Variants in CSMD1 observed in about 807,000 individuals in gnomAD.
The protein encoded by CSMD1 is CUB and sushi domain-containing protein 1.
CSMD1 carries 213 observed loss-of-function variants against 417.5 expected under a neutral mutation model. The observed-to-expected ratio is 0.51, with a 90% CI of 0.46 to 0.57. CSMD1 has a LOEUF of 0.57. CSMD1 is among the 20% of genes least tolerant of loss of function. The pLI, the probability that CSMD1 is intolerant of heterozygous loss-of-function variation, is 0.00. For synonymous variants in CSMD1, 2,862 were observed against 1,736.8 expected (o/e 1.65, Z -16.11); for missense variants, 6,923 against 4,529.7 (o/e 1.53, Z -15.17).
At chr8:4,315,092 G>A (rs749612388) in intron 3 of CSMD1, among the ~76,000 whole-genome samples, 8 of 152,084 alleles carry the variant, frequency 5.3e-5, no homozygotes, top group Non-Finnish European at 1.2e-4. Flanking sequence ...TCGAGGGAGG[G>A]AAGAGGACAG....
Position 3,418,262 on chromosome 8 carries a change from A to C in CSMD1, c.1562-8657T>G, listed in dbSNP as rs567957510. On this transcript the variant is annotated intron_variant, in intron 12 of 69. Transcript: ENST00000635120. The stretch of plus-strand genomic sequence containing the variant: ...GCTGGACTCTGGAAATTCGGGCTAT[A>C]AGTAACCACAGAAATGAACTGTCTC... Among the ~76,000 whole-genome samples the C allele has an allele frequency of 6.3e-4, 96 of 152,206 alleles. No homozygotes were observed. In the South Asian group the frequency reaches 0.02, roughly 31 times the overall value.
At chr8:4,416,330 A>T (rs1265695929) in intron 3 of CSMD1, among the ~76,000 whole-genome samples, 2 of 152,190 alleles carry the variant, frequency 1.3e-5, no homozygotes, top group Admixed American at 6.5e-5. Flanking sequence ...AATGAACTAA[A>T]AAGTCAACCT....
chr8:3,857,517 G>T (rs950838959), intron 5 of CSMD1, among the ~76,000 whole-genome samples: 1 of 152,180 alleles, frequency 6.6e-6, no homozygotes, highest in East Asian at 1.9e-4. Context: ...AATAGTAGAT[G>T]ATTTGCTTAA....
At chr8:4,572,995 G>C (rs1290932422) in intron 2 of CSMD1, among the ~76,000 whole-genome samples, 2 of 152,122 alleles carry the variant, frequency 1.3e-5, no homozygotes, top group African/African-American at 2.4e-5. Context: ...CTCTAAACTA[G>C]TTATTCAAGT....
At chr8:3,946,340 CA>C (rs1327410843) in intron 5 of CSMD1, among the ~76,000 whole-genome samples, 2 of 151,986 alleles carry the variant, frequency 1.3e-5, no homozygotes, top group Admixed American at 6.6e-5. Flanking sequence ...ACATTTTCGT[CA>C]AAAAAATCAT....
intron 2 of CSMD1, among the ~76,000 whole-genome samples, chr8:4,610,225 A>G (rs1801095343): frequency 6.6e-6 from 1 of 152,154 alleles, no homozygotes; most frequent in Admixed American, 6.5e-5. Context: ...AGATGCAAGA[A>G]AGAGAGACTA....
At chr8:3,273,379 T>C (rs538713292) in intron 26 of CSMD1, among the ~76,000 whole-genome samples, 3 of 152,254 alleles carry the variant, frequency 2.0e-5, no homozygotes, top group Admixed American at 1.3e-4. Flanking sequence ...TCAAGGATAT[T>C]GGTCTAAAAT....
intron 7 of CSMD1, among the ~76,000 whole-genome samples, chr8:3,670,104 G>A (rs924960423): frequency 6.6e-6 from 1 of 152,148 alleles, no homozygotes; most frequent in Non-Finnish European, 1.5e-5. Flanking sequence ...AGGATGCAAA[G>A]TGTTGATCCT....
chr8:4,768,995 A>C (rs1773652316), intron 1 of CSMD1, among the ~76,000 whole-genome samples: 2 of 152,166 alleles, frequency 1.3e-5, no homozygotes, highest in African/African-American at 4.8e-5. Context: ...TCATGTGAAG[A>C]AGAGACCAAT....
At chr8:2,983,118 G>A (rs1262815619) in intron 54 of CSMD1, among the ~76,000 whole-genome samples, 8 of 151,996 alleles carry the variant, frequency 5.3e-5, no homozygotes, top group African/African-American at 1.9e-4. Flanking sequence ...TCCATCTGTT[G>A]TTCTCAGAAA....
intron 41 of CSMD1, among the ~76,000 whole-genome samples, chr8:3,124,169 T>C (rs1373616410): frequency 6.6e-6 from 1 of 152,186 alleles, no homozygotes; most frequent in Non-Finnish European, 1.5e-5. Flanking sequence ...GATTAGCCCA[T>C]ATGGGCAGTA....
chr8:3,487,492 T>C (rs536092557), intron 11 of CSMD1, among the ~76,000 whole-genome samples: 6 of 152,282 alleles, frequency 3.9e-5, no homozygotes, highest in South Asian at 2.1e-4. Flanking sequence ...TGAGCCACCA[T>C]GCCCGGCCTA....
At chr8:4,398,178 G>T (rs1338392368) in intron 3 of CSMD1, among the ~76,000 whole-genome samples, 1 of 152,104 alleles carries the variant, frequency 6.6e-6, no homozygotes, top group Non-Finnish European at 1.5e-5. Context: ...CCTGACAACA[G>T]AACTCCAAGT....
chr8:4,295,420 C>T (rs71523622), intron 3 of CSMD1, among the ~76,000 whole-genome samples: 33,651 of 142,918 alleles, frequency 0.24, 5,010 homozygotes, highest in Non-Finnish European at 0.32. Flanking sequence ...TTATTATACA[C>T]ATATAATCTT....
intron 1 of CSMD1, among the ~76,000 whole-genome samples, chr8:4,936,261 G>A (rs1445640013): frequency 6.6e-6 from 1 of 152,142 alleles, no homozygotes; most frequent in Non-Finnish European, 1.5e-5. Flanking sequence ...TCAGATAACA[G>A]ATGTTTTATC....
chr8:3,824,655 G>C (rs889587923), intron 5 of CSMD1, among the ~76,000 whole-genome samples: 3 of 152,130 alleles, frequency 2.0e-5, no homozygotes, highest in Non-Finnish European at 4.4e-5. Flanking sequence ...AATAGCATTT[G>C]TTATATATTG....
intron 1 of CSMD1, among the ~76,000 whole-genome samples, chr8:4,721,958 C>G (rs967867193): frequency 1.3e-5 from 2 of 152,122 alleles, no homozygotes; most frequent in African/African-American, 4.8e-5. Flanking sequence ...TATCTATAAT[C>G]TTACAAAAAC....
At chr8:3,642,168 A>G (rs1797340463) in intron 7 of CSMD1, among the ~76,000 whole-genome samples, 2 of 151,442 alleles carry the variant, frequency 1.3e-5, no homozygotes, top group Non-Finnish European at 2.9e-5. Context: ...CAAATATATA[A>G]TATTTATACA....
intron 49 of CSMD1, among the ~76,000 whole-genome samples, chr8:3,053,099 G>A (rs2128990010): frequency 6.6e-6 from 1 of 152,280 alleles, no homozygotes; most frequent in East Asian, 1.9e-4. Context: ...TATTTCTAGG[G>A]TATGGGATAA....
Sources: allele counts gnomAD v4.1 joint callset (sites outside exome capture counted in the v4.1 genomes callset), GRCh38; gene constraint gnomAD v4.1.1; transcripts MANE v1.5; gene names NCBI Gene and HGNC (gene_info 2026-07-23, HGNC 2026-07-21).